The following AJAP1 variants were observed in gnomAD, a reference collection of about 807,000 sequenced individuals.
AJAP1 encodes adherens junction-associated protein 1.
A neutral mutation model predicts 35.0 loss-of-function variants in AJAP1; 5 were observed. The observed-to-expected ratio is 0.14, with a 90% CI of 0.07 to 0.30. The LOEUF is 0.30. AJAP1 is among the 10% of genes least tolerant of loss of function. The pLI is 1.00. For synonymous variants in AJAP1, 284 were observed against 249.3 expected (o/e 1.14, Z -1.31); for missense variants, 586 against 571.0 (o/e 1.03, Z -0.27).
At chr1:4,695,337 T>C (rs1471689468) in intron 1 of AJAP1, among the ~76,000 whole-genome samples, 1 of 152,076 alleles carries the variant, frequency 6.6e-6, no homozygotes, top group Non-Finnish European at 1.5e-5. Context: ...TGTGTAGAAG[T>C]GGTCAAAGGT....
At chr1:4,751,899 A>G (rs1179235715) in intron 2 of AJAP1, among the ~76,000 whole-genome samples, 2 of 152,204 alleles carry the variant, frequency 1.3e-5, no homozygotes, top group African/African-American at 4.8e-5. Flanking sequence ...GACTCTGGAC[A>G]CAGCAGCTGA....
In AJAP1 at chr1:4,669,496, G is replaced by A. The variant is rs546167135; in HGVS notation, c.29+14042G>A. Among the ~76,000 whole-genome samples the A allele has an allele frequency of 1.1e-3, 165 of 152,192 alleles. 1 individual carries two copies. Among genetic ancestry groups the A allele is most frequent in the Middle Eastern group, 0.01 (3 of 294 alleles). ...AGTGCAAGCAGGGGAAATTCCAGGCGCTTATAAAACCATCAGATCTCATGA... is the reference window on the plus strand; with the variant it reads ...AGTGCAAGCAGGGGAAATTCCAGGCACTTATAAAACCATCAGATCTCATGA... On this transcript the variant is annotated intron_variant, in intron 1 of 5. Coordinates refer to ENST00000378191, the MANE Select transcript of AJAP1 (RefSeq NM_018836.4).
chr1:4,753,388 A>T (rs1450780528), intron 2 of AJAP1, among the ~76,000 whole-genome samples: 1 of 147,322 alleles, frequency 6.8e-6, no homozygotes, highest in African/African-American at 2.7e-5. Flanking sequence ...CCCAAGGCTG[A>T]TTGCACAGGA....
At chr1:4,688,644 C>T (rs1219924620) in intron 1 of AJAP1, among the ~76,000 whole-genome samples, 1 of 151,768 alleles carries the variant, frequency 6.6e-6, no homozygotes, top group Non-Finnish European at 1.5e-5. Flanking sequence ...TGGTGGCGTG[C>T]ACCTGCAATC....
At chr1:4,667,026 C>T (rs6658098) in intron 1 of AJAP1, among the ~76,000 whole-genome samples, 68,841 of 148,074 alleles carry the variant, frequency 0.46, 16,806 homozygotes, top group African/African-American at 0.57. Context: ...ATGGGAGCTG[C>T]GTGGGATGGA....
intron 1 of AJAP1, among the ~76,000 whole-genome samples, chr1:4,685,382 C>T (rs975773436): frequency 3.3e-5 from 5 of 152,230 alleles, no homozygotes; most frequent in African/African-American, 1.2e-4. Flanking sequence ...CACAGCCTCC[C>T]TTTGATGGAA....
chr1:4,725,290 G>T (rs1053591409), intron 2 of AJAP1, among the ~76,000 whole-genome samples: 1 of 152,176 alleles, frequency 6.6e-6, no homozygotes, highest in Non-Finnish European at 1.5e-5. Context: ...GCTCCAGTGG[G>T]CACTCACTTC....
At chr1:4,742,005 A>G (rs967880125) in intron 2 of AJAP1, among the ~76,000 whole-genome samples, 5 of 152,276 alleles carry the variant, frequency 3.3e-5, no homozygotes, top group Admixed American at 3.3e-4. Context: ...GTAGAATGCC[A>G]GGTGATGCAC....
At chr1:4,751,365 C>T (rs1255554093) in intron 2 of AJAP1, among the ~76,000 whole-genome samples, 1 of 152,214 alleles carries the variant, frequency 6.6e-6, no homozygotes, top group African/African-American at 2.4e-5. Context: ...TTAGCTGATG[C>T]TTCCTGACTC....
At chr1:4,705,585 G>T in intron 1 of AJAP1, among the ~76,000 whole-genome samples, 1 of 151,470 alleles carries the variant, frequency 6.6e-6, no homozygotes, top group Non-Finnish European at 1.5e-5. Flanking sequence ...GAGGGGTCCT[G>T]TTGAGAGCAG....
intron 1 of AJAP1, among the ~76,000 whole-genome samples, chr1:4,696,863 G>A (rs1366840743): frequency 6.6e-6 from 1 of 152,192 alleles, no homozygotes; most frequent in Non-Finnish European, 1.5e-5. Flanking sequence ...CACAAGATGT[G>A]TTTGTGTGTA....
intron 1 of AJAP1, among the ~76,000 whole-genome samples, chr1:4,681,372 G>A (rs892008323): frequency 5.9e-5 from 9 of 152,224 alleles, no homozygotes; most frequent in African/African-American, 2.2e-4. Context: ...AAAGGAGGCT[G>A]GGTGCTTGCC....
At position 4,789,934 on chromosome 1, in the gene AJAP1, A is replaced by G. The variant is rs1570243514; in HGVS notation, c.*7449A>G. On this transcript the variant is annotated 3_prime_UTR_variant, in exon 6 of 6. Transcript: ENST00000378191. This position sits in a 1 kb window ranked among gnomAD's most constrained non-coding sequence, Gnocchi z 4.4. ...TGTACAGGGAACTGCAGGGGTGAAC[A>G]CCATTGTACCAATCCCCGGGCCAGT... 1 of 152,188 alleles carries G rather than the reference A, an allele frequency of 6.6e-6. No homozygotes were observed. Among genetic ancestry groups the G allele is most frequent in the Non-Finnish European group, 1.5e-5 (1 of 68,062 alleles). The allele number at this position is 152,188 out of a possible 1,614,324, so 9.4% of individuals were successfully genotyped here. A position where few individuals can be genotyped will look rare whatever the true frequency, so the allele number is the denominator to read the frequency against.
At chr1:4,728,924 C>T (rs770746094) in intron 2 of AJAP1, among the ~76,000 whole-genome samples, 5 of 152,050 alleles carry the variant, frequency 3.3e-5, no homozygotes, top group Admixed American at 6.5e-5. Flanking sequence ...GGGGCTCCAT[C>T]GGCCCTGGGC....
intron 2 of AJAP1, among the ~76,000 whole-genome samples, chr1:4,765,764 C>T (rs1641669594): frequency 6.6e-6 from 1 of 152,128 alleles, no homozygotes; most frequent in Non-Finnish European, 1.5e-5. Context: ...TTCCAAAAAT[C>T]AAAAATCCTG....
intron 1 of AJAP1, among the ~76,000 whole-genome samples, chr1:4,682,827 T>C (rs1289419111): frequency 6.6e-6 from 1 of 152,076 alleles, no homozygotes; most frequent in Non-Finnish European, 1.5e-5. Context: ...GTGATACTGG[T>C]GGTGTTGGTG....
chr1:4,682,890 T>C (rs1639517284), intron 1 of AJAP1, among the ~76,000 whole-genome samples: 1 of 152,096 alleles, frequency 6.6e-6, no homozygotes, highest in Non-Finnish European at 1.5e-5. Context: ...ATGTTGGTGA[T>C]GGTGATGGTG....
At chr1:4,772,633 C>T in intron 4 of AJAP1, 108 bp downstream of exon 4, 1 of 1,487,398 alleles carries the variant, frequency 6.7e-7, no homozygotes, top group Non-Finnish European at 9.0e-7. Context: ...TAGGTCTTCC[C>T]TGAGGTCGCT....
intron 1 of AJAP1, among the ~76,000 whole-genome samples, chr1:4,658,834 C>CGCCT (rs1638939572): frequency 1.3e-5 from 2 of 152,174 alleles, no homozygotes; most frequent in South Asian, 2.1e-4. Flanking sequence ...GACAGCCCCA[C>CGCCT]GCCTGCCGGG....
Sources: gnomAD v4.1 joint callset for allele counts (sites outside exome capture counted in the v4.1 genomes callset) on GRCh38, gnomAD v4.1.1 for gene constraint, Gnocchi (gnomAD v3.1) non-coding constraint, MANE v1.5 for transcripts, NCBI Gene and HGNC (gene_info 2026-07-23, HGNC 2026-07-21) for gene names.